GRID2: variants seen among roughly 807,000 people sequenced by gnomAD.
GRID2 encodes glutamate ionotropic receptor delta type subunit 2, also known as glutamate receptor ionotropic, delta-2.
GRID2 carries 33 observed loss-of-function variants against 114.8 expected under a neutral mutation model. That is an observed-to-expected ratio of 0.29 (90% CI 0.22 to 0.38). The LOEUF (loss-of-function observed/expected upper bound fraction) is 0.38. GRID2 is among the 10% of genes least tolerant of loss of function. The pLI, the probability that GRID2 is intolerant of heterozygous loss-of-function variation, is 1.00. For synonymous variants in GRID2, 505 were observed against 449.9 expected (o/e 1.12, Z -1.55); for missense variants, 1,184 against 1,257.7 (o/e 0.94, Z 0.89).
intron 14 of GRID2, among the ~76,000 whole-genome samples, chr4:93,715,478 G>T (rs1313868049): frequency 1.3e-5 from 2 of 152,156 alleles, no homozygotes; most frequent in African/African-American, 4.8e-5. Flanking sequence ...AATGTCAATG[G>T]TAGTTTAATG....
At chr4:92,645,799 A>AT (rs1477243752) in intron 2 of GRID2, among the ~76,000 whole-genome samples, 1 of 151,580 alleles carries the variant, frequency 6.6e-6, no homozygotes, top group Non-Finnish European at 1.5e-5. Context: ...TATTGATAGT[A>AT]TTTTTTCATC....
At chr4:92,762,244 C>T (rs1738054169) in intron 2 of GRID2, among the ~76,000 whole-genome samples, 1 of 152,016 alleles carries the variant, frequency 6.6e-6, no homozygotes, top group African/African-American at 2.4e-5. Flanking sequence ...TTTTATGATA[C>T]TGTCCAGGCT....
chr4:93,099,684 G>C (rs1731537211), intron 3 of GRID2, among the ~76,000 whole-genome samples: 1 of 151,802 alleles, frequency 6.6e-6, no homozygotes, highest in African/African-American at 2.4e-5. Context: ...TTGATTTAAT[G>C]TTTTCAAACT....
chr4:93,780,259 G>A (rs973437316), intron 1 of GRID2, among the ~76,000 whole-genome samples: 2 of 152,170 alleles, frequency 1.3e-5, no homozygotes, highest in African/African-American at 4.8e-5. Flanking sequence ...ATGGACTGAG[G>A]GAGTTAGCCA....
intron 2 of GRID2, among the ~76,000 whole-genome samples, chr4:92,687,696 G>T (rs952864215): frequency 2.0e-5 from 3 of 151,976 alleles, no homozygotes; most frequent in Admixed American, 1.3e-4. Context: ...GGGCGTTGTG[G>T]CCCGCGCCTA....
chr4:92,652,404 G>A (rs776624809), intron 2 of GRID2, among the ~76,000 whole-genome samples: 9 of 151,808 alleles, frequency 5.9e-5, no homozygotes, highest in Admixed American at 3.3e-4. Context: ...AGCCAAGCAC[G>A]ATGGCTCATA....
At chr4:92,934,702 A>G (rs1428173502) in intron 2 of GRID2, among the ~76,000 whole-genome samples, 5 of 146,342 alleles carry the variant, frequency 3.4e-5, no homozygotes, top group African/African-American at 7.3e-5. Flanking sequence ...ATAGATCAAC[A>G]GAACAGAACA....
intron 4 of GRID2, among the ~76,000 whole-genome samples, chr4:93,121,816 C>T (rs1044609287): frequency 2.6e-5 from 4 of 152,138 alleles, no homozygotes; most frequent in Non-Finnish European, 4.4e-5. Context: ...TATTTTCTGT[C>T]GTCATCATTT....
At chr4:93,378,947 G>A (rs567985886) in intron 8 of GRID2, among the ~76,000 whole-genome samples, 114 of 152,112 alleles carry the variant, frequency 7.5e-4, no homozygotes, top group Non-Finnish European at 1.1e-3. Flanking sequence ...AATTCCTGCT[G>A]TATATAGAGG....
chr4:93,727,080 G>A (rs1156631860), intron 14 of GRID2, among the ~76,000 whole-genome samples: 4 of 152,104 alleles, frequency 2.6e-5, no homozygotes, highest in Non-Finnish European at 5.9e-5. Flanking sequence ...CAAAGGTAAC[G>A]CTTCCAGTTT....
chr4:93,568,605 C>T (rs1735652887), intron 13 of GRID2, among the ~76,000 whole-genome samples: 1 of 152,112 alleles, frequency 6.6e-6, no homozygotes. Flanking sequence ...TAGATAGATG[C>T]AGTAAGCACA....
intron 4 of GRID2, among the ~76,000 whole-genome samples, chr4:93,192,766 A>G (rs1441310514): frequency 6.6e-6 from 1 of 151,550 alleles, no homozygotes; most frequent in Non-Finnish European, 1.5e-5. Flanking sequence ...AAAAAAAAAA[A>G]AAAAAGAGAT....
chr4:92,467,692 C>T (rs1261361943), intron 1 of GRID2, among the ~76,000 whole-genome samples: 1 of 151,870 alleles, frequency 6.6e-6, no homozygotes, highest in Non-Finnish European at 1.5e-5. Flanking sequence ...TTTCTTCCTC[C>T]AAATTAAGGT....
At chr4:93,547,265 G>A (rs558421505) in intron 13 of GRID2, among the ~76,000 whole-genome samples, 1 of 152,276 alleles carries the variant, frequency 6.6e-6, no homozygotes, top group South Asian at 2.1e-4. Context: ...GATGGGGAAT[G>A]GGGGATGGAA....
chr4:93,616,729 CTT>C (rs926663703), intron 13 of GRID2, among the ~76,000 whole-genome samples: 46 of 151,344 alleles, frequency 3.0e-4, no homozygotes, highest in African/African-American at 1.1e-3. Context: ...TATCAGTAAA[CTT>C]TTGCTTTATG....
intron 13 of GRID2, among the ~76,000 whole-genome samples, chr4:93,614,226 G>A (rs1002620016): frequency 9.8e-5 from 15 of 152,296 alleles, no homozygotes; most frequent in Admixed American, 4.6e-4. Context: ...CTCCCTAGTG[G>A]GATGAACCTG....
chr4:93,796,212 T>G (rs1006642710), intron 1 of GRID2, among the ~76,000 whole-genome samples: 4 of 152,232 alleles, frequency 2.6e-5, no homozygotes, highest in African/African-American at 7.2e-5. Context: ...ACCACCATCA[T>G]CTAGCTTCTG....
chr4:93,375,246 C>T lies in GRID2; in HGVS notation c.1246-20361C>T, dbSNP rs533796648. On this transcript the variant is annotated intron_variant, in intron 8 of 15. Coordinates refer to ENST00000282020, the MANE Select transcript of GRID2 (RefSeq NM_001510.4). Reference sequence around the variant, plus strand: ...TTTTTTTTTTTGAGACAGAATCTCACTCTATCGCCCAGGCTGAAGTGCAGT... The same window carrying T: ...TTTTTTTTTTTGAGACAGAATCTCATTCTATCGCCCAGGCTGAAGTGCAGT... Among the ~76,000 whole-genome samples, 5 of 144,666 alleles carry T rather than the reference C, an allele frequency of 3.5e-5. No individual in the cohort carries two copies. The South Asian group carries it at 1.1e-3, about 32-fold the overall frequency. 94.9% of individuals were successfully genotyped at this position (144,666 alleles called of 152,430 possible).
At chr4:92,358,015 T>C (rs868348519) in intron 1 of GRID2, among the ~76,000 whole-genome samples, 2 of 151,944 alleles carry the variant, frequency 1.3e-5, no homozygotes, top group Admixed American at 1.3e-4. Context: ...GTAAGTAACA[T>C]TCCAGCTTAC....
Sources: allele counts gnomAD v4.1 joint callset (sites outside exome capture counted in the v4.1 genomes callset), GRCh38; gene constraint gnomAD v4.1.1; transcripts MANE v1.5; gene names NCBI Gene and HGNC (gene_info 2026-07-23, HGNC 2026-07-21).